The following HNF1B variants were observed in gnomAD, a reference collection of about 807,000 sequenced individuals.
The protein encoded by HNF1B is HNF1 homeobox B.
Under a neutral mutation model 61.7 loss-of-function variants are expected in HNF1B, and 8 were observed. That is an observed-to-expected ratio of 0.13 (90% CI 0.08 to 0.23). The LOEUF (loss-of-function observed/expected upper bound fraction) is 0.23. Ranked by LOEUF, HNF1B falls within the 10% of genes least tolerant of loss-of-function variation. The pLI, the probability that HNF1B is intolerant of heterozygous loss-of-function variation, is 1.00. For missense variants in HNF1B, 562 were observed against 714.5 expected (o/e 0.79, Z 2.43); for synonymous variants, 314 against 287.7 (o/e 1.09, Z -0.93).
intron 4 of HNF1B, among the ~76,000 whole-genome samples, chr17:37,721,515 G>C (rs1357196714): frequency 1.3e-5 from 2 of 152,088 alleles, no homozygotes; most frequent in East Asian, 1.9e-4. Context: ...GAATTCCCAG[G>C]AAGTTAAATG....
chr17:37,744,594 C>A lies in HNF1B; in HGVS notation c.291G>T (p.Ala97=), dbSNP rs951474914. 1 of 1,608,186 alleles carries A rather than the reference C, an allele frequency of 6.2e-7. No individual in the cohort carries two copies. The highest frequency in any genetic ancestry group is 1.3e-5 in the African/African-American group (1 of 74,950). ...DTPPILKELQ[A]LNTEEAAEQR... ...GCTCCGCCGCCTCCTCGGTGTTGAG[C>A]GCCTGCAGCTCCTTGAGGATGGGAG... Residue 97 remains alanine, a synonymous_variant, in exon 1 of 9, where the codon GCG becomes GCT. Coordinates refer to ENST00000617811, the MANE Select transcript of HNF1B (RefSeq NM_000458.4).
intron 4 of HNF1B, among the ~76,000 whole-genome samples, chr17:37,726,868 T>G (rs1049765037): frequency 6.6e-6 from 1 of 152,158 alleles, no homozygotes; most frequent in Non-Finnish European, 1.5e-5. Flanking sequence ...TCACTTTCTT[T>G]CCAGGAGAAT....
chr17:37,725,264 C>T (rs973855855), intron 4 of HNF1B, among the ~76,000 whole-genome samples: 4 of 152,174 alleles, frequency 2.6e-5, no homozygotes, highest in Admixed American at 6.5e-5. Flanking sequence ...GTCCTTGAAT[C>T]GTCTAAGGAT....
At chr17:37,699,599 G>A (rs1461809923) in intron 7 of HNF1B, among the ~76,000 whole-genome samples, 1 of 152,216 alleles carries the variant, frequency 6.6e-6, no homozygotes, top group East Asian at 1.9e-4. Flanking sequence ...CAGTCCACAG[G>A]TCGCTGGTGA....
intron 1 of HNF1B, 104 bp from the exon 2 acceptor site, chr17:37,739,743 T>A (rs1254963293): frequency 4.5e-6 from 5 of 1,113,188 alleles, no homozygotes; most frequent in Non-Finnish European, 6.7e-6. Context: ...ATTCTGAATT[T>A]TCCCCCCATC....
At chr17:37,687,440 G>T in intron 8 of HNF1B, 48 bp from the exon 9 acceptor site, 1 of 1,440,660 alleles carries the variant, frequency 6.9e-7, no homozygotes, top group Non-Finnish European at 9.8e-7. Context: ...ATTTGGCAGG[G>T]TCATGGGCCA....
chr17:37,719,011 C>T (rs1483222261), intron 4 of HNF1B, among the ~76,000 whole-genome samples: 1 of 152,192 alleles, frequency 6.6e-6, no homozygotes, highest in Non-Finnish European at 1.5e-5. Context: ...AATCACAGCT[C>T]ACTGCAGCCT....
At position 37,704,951 on chromosome 17, in the gene HNF1B, C is replaced by A. The variant is rs1199229728; in HGVS notation, c.1305G>T (p.Met435Ile). Residue 435 changes from methionine (M) to isoleucine (I), a missense_variant, in exon 6 of 9, where the codon ATG becomes ATT. Physicochemically the swap from Met to Ile is conservative, Grantham distance 10 (BLOSUM62 1). This residue lies in a region of HNF1B where 211 missense variants were observed against 200.7 expected (regional missense o/e 1.05). Transcript: ENST00000617811. ...TTGCCATGACTCCAGAGAGGGGTGT[C>A]ATGATGAGGTTTTGAGATTGCTGGG... ...HNPQQSQNLI[M>I]TPLSGVMAIA... 1.2e-6 allele frequency: 2 copies of A among 1,613,944 alleles called. No individual in the cohort carries two copies. Among genetic ancestry groups the A allele is most frequent in the Admixed American group, 3.3e-5 (2 of 59,988 alleles).
intron 8 of HNF1B, among the ~76,000 whole-genome samples, chr17:37,696,265 C>CA (rs1197582852): frequency 6.6e-6 from 1 of 151,084 alleles, no homozygotes; most frequent in East Asian, 1.9e-4. Flanking sequence ...GGCAACATGG[C>CA]AAAACAAAAA....
chr17:37,690,988 G>A lies in HNF1B; in HGVS notation c.1654-3596C>T, dbSNP rs905162370. Among the ~76,000 whole-genome samples, 7 of 152,250 alleles carry A rather than the reference G, an allele frequency of 4.6e-5. No individual in the cohort carries two copies. In the Middle Eastern group the frequency reaches 0.01, roughly 222 times the overall value. ...GAGAAGAGGCCAAAGAATGAGGCCCGGGGCCCTCCAACACATAAATATTGG... is the reference window on the plus strand; with the variant it reads ...GAGAAGAGGCCAAAGAATGAGGCCCAGGGCCCTCCAACACATAAATATTGG... On this transcript the variant is annotated intron_variant, in intron 8 of 8. Transcript: ENST00000617811.
At chr17:37,733,939 G>A in intron 2 of HNF1B, 118 bp from the exon 3 acceptor site, 1 of 1,234,330 alleles carries the variant, frequency 8.1e-7, no homozygotes, top group East Asian at 2.4e-5. Flanking sequence ...ACTAAGCTTT[G>A]CAACCTTCTC....
At chr17:37,707,282 A>G (rs2032783539) in intron 5 of HNF1B, among the ~76,000 whole-genome samples, 1 of 151,900 alleles carries the variant, frequency 6.6e-6, no homozygotes, top group South Asian at 2.1e-4. Context: ...TGCCCAGCTA[A>G]TTTTTTTATT....
chr17:37,724,930 G>A (rs867689971), intron 4 of HNF1B, among the ~76,000 whole-genome samples: 35 of 122,704 alleles, frequency 2.9e-4, no homozygotes, highest in African/African-American at 1.4e-3. Context: ...GTGTGTGTGT[G>A]TGTGTGTATA....
chr17:37,689,240 G>A (rs569152792), intron 8 of HNF1B, among the ~76,000 whole-genome samples: 1 of 151,620 alleles, frequency 6.6e-6, no homozygotes, highest in South Asian at 2.1e-4. Flanking sequence ...TGAGACGTTG[G>A]TCAGGGTCCT....
At chr17:37,744,444 C>G in intron 1 of HNF1B, 97 bp downstream of exon 1, 2 of 1,275,612 alleles carry the variant, frequency 1.6e-6, no homozygotes, top group Admixed American at 3.5e-5. Context: ...TGGTGGGAAA[C>G]GGGCTTGGCG....
At chr17:37,726,932 G>C (rs963562191) in intron 4 of HNF1B, among the ~76,000 whole-genome samples, 1 of 152,106 alleles carries the variant, frequency 6.6e-6, no homozygotes. Flanking sequence ...TCATGCGTGG[G>C]AGAGCGGAGG....
intron 4 of HNF1B, among the ~76,000 whole-genome samples, chr17:37,714,846 G>C (rs1049980029): frequency 1.6e-4 from 24 of 152,026 alleles, no homozygotes; most frequent in African/African-American, 5.3e-4. Context: ...GCTGCAGCCT[G>C]GGATATCTTT....
intron 2 of HNF1B, 65 bp from the exon 3 acceptor site, chr17:37,733,886 A>T (rs916902650): frequency 3.2e-6 from 5 of 1,576,476 alleles, no homozygotes; most frequent in Admixed American, 1.7e-5. Context: ...AGACAGACAG[A>T]CAGACAGACA....
At chr17:37,738,779 G>GA (rs1346680535) in intron 2 of HNF1B, among the ~76,000 whole-genome samples, 1 of 152,204 alleles carries the variant, frequency 6.6e-6, no homozygotes, top group Non-Finnish European at 1.5e-5. Flanking sequence ...TGATGGGTCA[G>GA]AGTTCCAAAT....
Sources: gnomAD v4.1 joint callset for allele counts (sites outside exome capture counted in the v4.1 genomes callset) on GRCh38, gnomAD v4.1.1 for gene constraint, gnomAD v4.1.1 regional missense constraint, MANE v1.5 for transcripts, NCBI Gene and HGNC (gene_info 2026-07-23, HGNC 2026-07-21) for gene names.